The following DCUN1D4 variants were observed in gnomAD, a reference collection of about 807,000 sequenced individuals.
DCUN1D4 encodes the protein DCN1-like protein 4.
In DCUN1D4, 22 loss-of-function variants were observed where a neutral mutation model predicts 47.9. That is an observed-to-expected ratio of 0.46 (90% CI 0.33 to 0.66). DCUN1D4 has a LOEUF of 0.66. Ranked by LOEUF, DCUN1D4 falls within the 30% of genes least tolerant of loss-of-function variation. The pLI is 0.02. For synonymous variants in DCUN1D4, 121 were observed against 112.2 expected (o/e 1.08, Z -0.50); for missense variants, 301 against 340.8 (o/e 0.88, Z 0.92).
At chr4:51,880,952 T>A in intron 5 of DCUN1D4, among the ~76,000 whole-genome samples, 1 of 151,844 alleles carries the variant, frequency 6.6e-6, no homozygotes, top group East Asian at 1.9e-4. Context: ...CACGGTGAAA[T>A]CCCATCTCTA....
chr4:51,908,529 C>T (rs973942163), intron 8 of DCUN1D4, among the ~76,000 whole-genome samples: 2 of 151,922 alleles, frequency 1.3e-5, no homozygotes, highest in Admixed American at 6.6e-5. Flanking sequence ...GTGTTGACAG[C>T]GTATAATTTT....
chr4:51,910,742 A>T (rs1372473683), intron 8 of DCUN1D4: 12 of 305,970 alleles, frequency 3.9e-5, no homozygotes, highest in Non-Finnish European at 7.1e-5. Flanking sequence ...AATATCAAAC[A>T]AGCAAGTGAT....
intron 7 of DCUN1D4, among the ~76,000 whole-genome samples, chr4:51,896,426 T>C (rs987032124): frequency 2.0e-5 from 3 of 152,204 alleles, no homozygotes; most frequent in Non-Finnish European, 4.4e-5. Context: ...CTCTTCTTCT[T>C]CGTAGACAGG....
chr4:51,897,453 G>A (rs1056665479), intron 7 of DCUN1D4, among the ~76,000 whole-genome samples: 1 of 152,132 alleles, frequency 6.6e-6, no homozygotes, highest in African/African-American at 2.4e-5. Context: ...TCTGTACTTA[G>A]TAGGTTAAAG....
At chr4:51,843,461 G>A in intron 1 of DCUN1D4, 194 bp downstream of exon 1, 1 of 1,233,942 alleles carries the variant, frequency 8.1e-7, no homozygotes, top group Non-Finnish European at 1.0e-6. Context: ...GGCGGGCGTG[G>A]GGGGAAGGGA....
At chr4:51,912,782 G>A (rs1030665329) in intron 9 of DCUN1D4, among the ~76,000 whole-genome samples, 1 of 152,182 alleles carries the variant, frequency 6.6e-6, no homozygotes, top group African/African-American at 2.4e-5. Flanking sequence ...GCACTTACCG[G>A]ATCTCGTCAA....
intron 8 of DCUN1D4, among the ~76,000 whole-genome samples, chr4:51,900,772 T>C (rs751228143): frequency 1.2e-4 from 18 of 151,694 alleles, no homozygotes; most frequent in Non-Finnish European, 2.1e-4. Flanking sequence ...TTTCATGAGT[T>C]TTTTTTTTCC....
At chr4:51,843,100 G>A, upstream of DCUN1D4, 1 of 1,448,232 alleles carries the variant, frequency 6.9e-7, no homozygotes, top group South Asian at 1.4e-5. Context: ...CCGCGGTTTA[G>A]CCAATGGAGA....
At chr4:51,844,015 G>A (rs1285886186) in intron 1 of DCUN1D4, among the ~76,000 whole-genome samples, 1 of 150,090 alleles carries the variant, frequency 6.7e-6, no homozygotes, top group Non-Finnish European at 1.5e-5. Flanking sequence ...AGATGTTGGG[G>A]TAAAGAGATG....
intron 1 of DCUN1D4, chr4:51,844,322 G>C (rs1318794468): frequency 1.0e-6 from 1 of 984,576 alleles, no homozygotes; most frequent in East Asian, 1.2e-4. Flanking sequence ...GGAGGGGGCG[G>C]GGCTGAGGTG....
chr4:51,871,403 AGT>A (rs1415236996), intron 3 of DCUN1D4, among the ~76,000 whole-genome samples: 1 of 152,258 alleles, frequency 6.6e-6, no homozygotes, highest in Non-Finnish European at 1.5e-5. Context: ...AACGTTGTAC[AGT>A]GTGTGTCTAG....
chr4:51,849,629 CGTGGGAGCTGTGTTTGCT>C (rs2109813052), intron 1 of DCUN1D4, among the ~76,000 whole-genome samples: 1 of 152,200 alleles, frequency 6.6e-6, no homozygotes, highest in Admixed American at 6.5e-5. Context: ...AGCTGTGGGT[CGTGGGAGCTGTGTTTGCT>C]GGTGGTCAGG....
At chr4:51,853,829 G>A (rs1476960163) in intron 1 of DCUN1D4, among the ~76,000 whole-genome samples, 1 of 152,194 alleles carries the variant, frequency 6.6e-6, no homozygotes, top group Non-Finnish European at 1.5e-5. Context: ...AGATGCAGCA[G>A]CTCCCCCATG....
At chr4:51,898,539 A>G (rs1013566987) in intron 7 of DCUN1D4, among the ~76,000 whole-genome samples, 8 of 152,244 alleles carry the variant, frequency 5.3e-5, no homozygotes, top group Non-Finnish European at 1.2e-4. Flanking sequence ...GATACTTACT[A>G]TTTCAAAGAG....
At chr4:51,843,505 G>T in intron 1 of DCUN1D4, 2 of 1,291,674 alleles carry the variant, frequency 1.5e-6, no homozygotes, top group Non-Finnish European at 2.0e-6. Flanking sequence ...TGAGGGGGGT[G>T]GGGACTGGCT....
Position 51,863,474 on chromosome 4 carries a change from TATTCATAAGA to T in DCUN1D4, c.64_73del (p.Ile22SerfsTer8). ...ACTCTCATCTCTCAACACTGGCAAA[TATTCATAAGA>T]TCTACCACACCCTTAATAAGCTGGT... On this transcript the variant is annotated frameshift_variant, in exon 2 of 11. Coordinates refer to ENST00000334635, the MANE Select transcript of DCUN1D4 (RefSeq NM_001040402.3). LOFTEE classifies it high-confidence loss of function. 1 of 1,613,072 alleles carries T rather than the reference TATTCATAAGA, an allele frequency of 6.2e-7. No individual in the cohort carries two copies. The highest frequency in any genetic ancestry group is 8.5e-7 in the Non-Finnish European group (1 of 1,179,558).
At chr4:51,848,091 T>C (rs2109804008) in intron 1 of DCUN1D4, 1 of 731,888 alleles carries the variant, frequency 1.4e-6, no homozygotes, top group Admixed American at 3.1e-5. Context: ...CTGTTGTCTT[T>C]CATTATCTTT....
At chr4:51,849,293 A>C (rs1723012221) in intron 1 of DCUN1D4, among the ~76,000 whole-genome samples, 1 of 152,150 alleles carries the variant, frequency 6.6e-6, no homozygotes. Flanking sequence ...CTGCTTCTAG[A>C]GGCAAGGTCT....
chr4:51,906,480 G>A (rs943330860), intron 8 of DCUN1D4, among the ~76,000 whole-genome samples: 1 of 152,134 alleles, frequency 6.6e-6, no homozygotes, highest in Non-Finnish European at 1.5e-5. Flanking sequence ...ATGTGAGTCA[G>A]CCTTTCATTT....
Sources: allele counts gnomAD v4.1 joint callset (sites outside exome capture counted in the v4.1 genomes callset), GRCh38; gene constraint gnomAD v4.1.1; transcripts MANE v1.5; gene names NCBI Gene and HGNC (gene_info 2026-07-23, HGNC 2026-07-21).